Variants in SLC44A5 observed in about 807,000 individuals in gnomAD.
SLC44A5 encodes the protein solute carrier family 44 member 5, also known as choline transporter-like protein 5.
A neutral mutation model predicts 101.8 loss-of-function variants in SLC44A5; 57 were observed. The observed-to-expected ratio is 0.56, with a 90% CI of 0.45 to 0.70. SLC44A5 has a LOEUF of 0.70. SLC44A5 is among the 30% of genes least tolerant of loss of function. The pLI is 0.00. For synonymous variants in SLC44A5, 281 were observed against 290.9 expected, an observed-to-expected ratio of 0.97 and a Z score of 0.35; for missense variants, 737 against 853.1, an observed-to-expected ratio of 0.86 and a Z score of 1.70.
intron 1 of SLC44A5, among the ~76,000 whole-genome samples, chr1:75,593,743 C>T (rs935490662): frequency 3.9e-5 from 6 of 151,972 alleles, no homozygotes; most frequent in South Asian, 2.1e-4. Context: ...CACAGAAAGA[C>T]GAGTGTCACA....
chr1:75,290,153 T>C (rs911076656), intron 5 of SLC44A5, among the ~76,000 whole-genome samples: 4 of 152,146 alleles, frequency 2.6e-5, no homozygotes, highest in African/African-American at 9.7e-5. Context: ...ACGCAACAAA[T>C]TTATCAGCAT....
At chr1:75,464,372 G>C (rs548486939) in intron 2 of SLC44A5, among the ~76,000 whole-genome samples, 1 of 151,804 alleles carries the variant, frequency 6.6e-6, no homozygotes, top group African/African-American at 2.4e-5. Flanking sequence ...TTATAAGATA[G>C]TATTTGCAAG....
the SLC44A5 span, among the ~76,000 whole-genome samples, chr1:75,685,139 T>A: frequency 6.6e-6 from 1 of 152,178 alleles, no homozygotes; most frequent in Non-Finnish European, 1.5e-5. Flanking sequence ...TGGCCCCTTT[T>A]AGCCATGGCA....
chr1:75,646,175 G>A, the SLC44A5 span, among the ~76,000 whole-genome samples: 43 of 134,474 alleles, frequency 3.2e-4, 3 homozygotes, highest in African/African-American at 9.0e-4. Flanking sequence ...GAAGAAAGTC[G>A]TTGGTAGCTT....
intron 4 of SLC44A5, among the ~76,000 whole-genome samples, chr1:75,313,859 C>T (rs1438011657): frequency 6.6e-6 from 1 of 151,846 alleles, no homozygotes; most frequent in Non-Finnish European, 1.5e-5. Context: ...AAAACAAGAT[C>T]AAGAAAAATG....
chr1:75,723,777 T>G, the SLC44A5 span: 2 of 152,184 alleles, frequency 1.3e-5, no homozygotes, highest in South Asian at 4.1e-4. Context: ...TAATTAACAT[T>G]CTGCCTTGTA....
At chr1:75,214,782 G>A in intron 19 of SLC44A5, 104 bp from the exon 20 acceptor site, 1 of 858,218 alleles carries the variant, frequency 1.2e-6, no homozygotes, top group South Asian at 1.7e-5. Flanking sequence ...CCTGTCATTT[G>A]TAGAGCTATC....
intron 1 of SLC44A5, among the ~76,000 whole-genome samples, chr1:75,571,727 T>G (rs2102038767): frequency 6.6e-6 from 1 of 152,312 alleles, no homozygotes; most frequent in African/African-American, 2.4e-5. Flanking sequence ...TTAGGTGTAT[T>G]AAATGCCTTT....
chr1:75,627,051 T>C, the SLC44A5 span, among the ~76,000 whole-genome samples: 7 of 152,278 alleles, frequency 4.6e-5, no homozygotes, highest in Admixed American at 1.3e-4. Context: ...TTTTTTCACT[T>C]CCCATCTCCA....
intron 1 of SLC44A5, among the ~76,000 whole-genome samples, chr1:75,610,292 G>A (rs1675581492): frequency 6.6e-6 from 1 of 152,022 alleles, no homozygotes; most frequent in Non-Finnish European, 1.5e-5. Flanking sequence ...TTTAGAGAGA[G>A]CAATATTTCT....
intron 3 of SLC44A5, among the ~76,000 whole-genome samples, chr1:75,393,782 A>T (rs1192564330): frequency 6.6e-6 from 1 of 152,186 alleles, no homozygotes; most frequent in Non-Finnish European, 1.5e-5. Flanking sequence ...AGAGTAGGGT[A>T]ATAGCTGCAG....
chr1:75,618,531 C>T, the SLC44A5 span, among the ~76,000 whole-genome samples: 1 of 152,178 alleles, frequency 6.6e-6, no homozygotes, highest in Non-Finnish European at 1.5e-5. Flanking sequence ...TACAGTCATG[C>T]ATTGCTTAAC....
chr1:75,605,146 A>G lies in SLC44A5; in HGVS notation c.-70+5894T>C, dbSNP rs748448305. On this transcript the variant is annotated intron_variant, in intron 1 of 23. Transcript: ENST00000370859. The stretch of plus-strand genomic sequence containing the variant: ...TCTTTGACTTTGAACACTGAAAGAC[A>G]ATCCAGAGAACTAGCAAATTTACAT... 3.3e-5 allele frequency among the ~76,000 whole-genome samples: 5 copies of G among 152,182 alleles called. No homozygotes were observed. In the South Asian group the frequency reaches 6.2e-4, roughly 19 times the overall value.
intron 23 of SLC44A5, chr1:75,205,975 A>G (rs1646742812): frequency 6.6e-6 from 1 of 152,192 alleles, no homozygotes; most frequent in South Asian, 2.1e-4. Context: ...TGATTTCACT[A>G]AAACAGAATG....
Position 75,202,349 on chromosome 1 carries a change from G to A in SLC44A5, c.*1378C>T, listed in dbSNP as rs971732658. On this transcript the variant is annotated 3_prime_UTR_variant, in exon 24 of 24. Transcript: ENST00000370859. ...TATCTAAAGTCACATTTAAACAAAT[G>A]TGATAATATTTTATAAACTGATAGT... The A allele has an allele frequency of 2.6e-5, 4 of 152,112 alleles. No individual in the cohort carries two copies. Among genetic ancestry groups the A allele is most frequent in the African/African-American group, 7.2e-5 (3 of 41,444 alleles). The allele number at this position is 152,112 out of a possible 1,614,324, so 9.4% of individuals were successfully genotyped here.
chr1:75,567,131 G>C (rs1388710423), intron 1 of SLC44A5, among the ~76,000 whole-genome samples: 1 of 151,798 alleles, frequency 6.6e-6, no homozygotes, highest in East Asian at 1.9e-4. Flanking sequence ...GATCTTAGAA[G>C]TGGATTATTT....
chr1:75,242,406 C>T (rs1252477966), intron 8 of SLC44A5, among the ~76,000 whole-genome samples: 2 of 151,658 alleles, frequency 1.3e-5, no homozygotes, highest in Non-Finnish European at 2.9e-5. Flanking sequence ...ATTTAGAAAC[C>T]ATTCATATTA....
At chr1:75,463,214 G>A (rs1377535383) in intron 2 of SLC44A5, among the ~76,000 whole-genome samples, 1 of 152,122 alleles carries the variant, frequency 6.6e-6, no homozygotes, top group African/African-American at 2.4e-5. Flanking sequence ...AAGGTCAGGA[G>A]ATCGAGACCA....
At chr1:75,561,044 T>G (rs1672491722) in intron 1 of SLC44A5, among the ~76,000 whole-genome samples, 1 of 152,132 alleles carries the variant, frequency 6.6e-6, no homozygotes, top group Admixed American at 6.5e-5. Context: ...GTCCACAGGG[T>G]AATTCAACAC....
Sources: allele counts gnomAD v4.1 joint callset (sites outside exome capture counted in the v4.1 genomes callset), GRCh38; gene constraint gnomAD v4.1.1; transcripts MANE v1.5; gene names NCBI Gene and HGNC (gene_info 2026-07-23, HGNC 2026-07-21).